The following PLXDC2 variants were observed in gnomAD, a reference collection of about 807,000 sequenced individuals.
PLXDC2 encodes plexin domain-containing protein 2.
A neutral mutation model predicts 68.9 loss-of-function variants in PLXDC2; 40 were observed. That is an observed-to-expected ratio of 0.58 (90% confidence interval 0.45 to 0.76). PLXDC2 has a LOEUF of 0.76. Ranked by LOEUF, PLXDC2 falls within the 30% of genes least tolerant of loss-of-function variation. PLXDC2 has a pLI of 0.00. For synonymous variants in PLXDC2, 243 were observed against 234.2 expected (o/e 1.04, Z -0.34); for missense variants, 644 against 661.9 (o/e 0.97, Z 0.30).
chr10:20,264,647 A>C (rs1835848191), intron 13 of PLXDC2, among the ~76,000 whole-genome samples: 1 of 152,064 alleles, frequency 6.6e-6, no homozygotes, highest in African/African-American at 2.4e-5. Flanking sequence ...AAAATAAAAA[A>C]CTAGAATAAT....
At position 19,921,434 on chromosome 10, in the gene PLXDC2, T is replaced by A. The variant is rs150219861; in HGVS notation, c.113-80341T>A. Among the ~76,000 whole-genome samples the A allele has an allele frequency of 3.1e-4, 47 of 152,276 alleles. No individual in the cohort carries two copies. The East Asian group carries it at 7.7e-3, about 25-fold the overall frequency. On this transcript the variant is annotated intron_variant, in intron 1 of 13. Coordinates refer to ENST00000377252, the MANE Select transcript of PLXDC2 (RefSeq NM_032812.9). ...CGTAACTAATAATGAGAACCTCCCT[T>A]CTTCTGGAAAGCTATGACATTCACT...
intron 12 of PLXDC2, 28 bp from the exon 13 acceptor site, chr10:20,245,317 G>T: frequency 6.3e-7 from 1 of 1,589,960 alleles, no homozygotes; most frequent in Non-Finnish European, 8.5e-7. Flanking sequence ...AACTCATGAA[G>T]GTCCTGACAG....
At chr10:19,884,622 C>G (rs34284561) in intron 1 of PLXDC2, among the ~76,000 whole-genome samples, 6,885 of 151,406 alleles carry the variant, frequency 0.045, 199 homozygotes, top group Middle Eastern at 0.12. Context: ...TTTGTTCTTG[C>G]GATAGTTTAC....
chr10:19,878,421 G>T (rs997572426), intron 1 of PLXDC2, among the ~76,000 whole-genome samples: 7 of 152,044 alleles, frequency 4.6e-5, no homozygotes, highest in Admixed American at 2.6e-4. Flanking sequence ...TATTTTCTTG[G>T]AAAAGAGCAT....
intron 1 of PLXDC2, among the ~76,000 whole-genome samples, chr10:19,998,815 A>G (rs1834882380): frequency 6.6e-6 from 1 of 152,084 alleles, no homozygotes; most frequent in African/African-American, 2.4e-5. Flanking sequence ...GTGGGGGAAA[A>G]AAAAAATCAA....
At chr10:20,259,761 G>A (rs1034742788) in intron 13 of PLXDC2, among the ~76,000 whole-genome samples, 1 of 152,216 alleles carries the variant, frequency 6.6e-6, no homozygotes, top group African/African-American at 2.4e-5. Flanking sequence ...TCCAGTTGCA[G>A]GTGAGTACAG....
intron 6 of PLXDC2, among the ~76,000 whole-genome samples, chr10:20,150,134 C>A (rs1423450462): frequency 1.3e-5 from 2 of 152,076 alleles, no homozygotes. Context: ...GATTAGAGTT[C>A]CCTCTTGATG....
At chr10:19,930,817 G>A (rs12218479) in intron 1 of PLXDC2, among the ~76,000 whole-genome samples, 10,347 of 152,030 alleles carry the variant, frequency 0.068, 427 homozygotes, top group South Asian at 0.12. Context: ...ACAAAAATTA[G>A]CCAGGCCTGG....
At chr10:19,820,243 A>T (rs1367365285) in intron 1 of PLXDC2, among the ~76,000 whole-genome samples, 2 of 152,198 alleles carry the variant, frequency 1.3e-5, no homozygotes, top group African/African-American at 2.4e-5. Flanking sequence ...TGTCAGGGAG[A>T]ATGTATTTGA....
chr10:20,061,713 A>G (rs1836107880), intron 3 of PLXDC2, among the ~76,000 whole-genome samples: 2 of 152,228 alleles, frequency 1.3e-5, no homozygotes, highest in Non-Finnish European at 2.9e-5. Flanking sequence ...GATCTATTAA[A>G]TGTTAATTTC....
intron 1 of PLXDC2, among the ~76,000 whole-genome samples, chr10:19,906,514 C>T (rs1833160365): frequency 6.6e-6 from 1 of 152,084 alleles, no homozygotes. Context: ...TCCTTAGTTG[C>T]CTGTTACATG....
chr10:19,862,669 T>C (rs572802646), intron 1 of PLXDC2, among the ~76,000 whole-genome samples: 1 of 152,334 alleles, frequency 6.6e-6, no homozygotes, highest in Non-Finnish European at 1.5e-5. Flanking sequence ...ACACAACAAG[T>C]ATGCAACAGC....
At chr10:20,252,853 A>C (rs1179250378) in intron 13 of PLXDC2, among the ~76,000 whole-genome samples, 1 of 152,186 alleles carries the variant, frequency 6.6e-6, no homozygotes, top group Non-Finnish European at 1.5e-5. Flanking sequence ...AAAATATTTG[A>C]TAAAATGTTG....
In PLXDC2 at chr10:20,143,377, C is replaced by T; in HGVS notation, c.624C>T (p.Pro208=). 4 of 1,613,202 alleles carry T rather than the reference C, an allele frequency of 2.5e-6. No individual in the cohort carries two copies. Among genetic ancestry groups the T allele is most frequent in the Non-Finnish European group, 3.4e-6 (4 of 1,179,356 alleles). The change falls in exon 5 of 14, where the codon CCC becomes CCT. Residue 208 remains proline, a synonymous_variant. Coordinates refer to ENST00000377252, the MANE Select transcript of PLXDC2 (RefSeq NM_032812.9). The stretch of plus-strand genomic sequence containing the variant: ...CACCTTTAATGGCAAATTTCGATCC[C>T]AGTGTATCCAGAAATTCAACTGTCA... ...YIAPLMANFD[P]SVSRNSTVRY...
intron 6 of PLXDC2, 84 bp from the exon 7 acceptor site, chr10:20,164,384 C>A: frequency 1.8e-6 from 2 of 1,104,916 alleles, no homozygotes; most frequent in Non-Finnish European, 1.4e-6. Flanking sequence ...TGGTTTTGTC[C>A]ATGAAACAAG....
At chr10:20,233,618 A>G (rs117353247) in intron 12 of PLXDC2, among the ~76,000 whole-genome samples, 5,791 of 152,208 alleles carry the variant, frequency 0.038, 177 homozygotes, top group Middle Eastern at 0.075. Flanking sequence ...TTTCTAAGGA[A>G]TGTAGCTGGT....
At chr10:19,917,298 C>T (rs1011479702) in intron 1 of PLXDC2, among the ~76,000 whole-genome samples, 1 of 152,000 alleles carries the variant, frequency 6.6e-6, no homozygotes, top group East Asian at 1.9e-4. Context: ...GCTATAACAA[C>T]ATTAAGGATA....
intron 4 of PLXDC2, among the ~76,000 whole-genome samples, chr10:20,087,675 A>G (rs2131727475): frequency 6.6e-6 from 1 of 152,364 alleles, no homozygotes; most frequent in South Asian, 2.1e-4. Flanking sequence ...GCCACTTGCT[A>G]GCAATGAAAA....
chr10:20,032,351 G>A (rs897391254), intron 2 of PLXDC2, among the ~76,000 whole-genome samples: 2 of 152,186 alleles, frequency 1.3e-5, no homozygotes, highest in Admixed American at 6.5e-5. Flanking sequence ...AATGAAGTTG[G>A]AGAGATGGTT....
Sources: allele counts gnomAD v4.1 joint callset (sites outside exome capture counted in the v4.1 genomes callset), GRCh38; gene constraint gnomAD v4.1.1; transcripts MANE v1.5; gene names NCBI Gene and HGNC (gene_info 2026-07-23, HGNC 2026-07-21).